TAF1: variants seen among roughly 807,000 people sequenced by gnomAD.
TAF1 encodes the protein transcription initiation factor TFIID subunit 1.
In TAF1, 2 loss-of-function variants were observed where a neutral mutation model predicts 138.5. That is an observed-to-expected ratio of 0.01 (90% CI 0.01 to 0.05). TAF1 has a LOEUF of 0.05. Ranked by LOEUF, TAF1 falls within the 10% of genes least tolerant of loss-of-function variation. The probability of loss-of-function intolerance (pLI) is 1.00; values close to 1 mark genes in which losing one functional copy is unlikely to be tolerated. For synonymous variants in TAF1, 437 were observed against 503.2 expected, an observed-to-expected ratio of 0.87 and a Z score of 1.76; for missense variants, 709 against 1,478.0, an observed-to-expected ratio of 0.48 and a Z score of 8.53.
At chrX:71,458,623 G>A (rs1437541345) in intron 35 of TAF1, among the ~76,000 whole-genome samples, 1 of 112,125 alleles carries the variant, frequency 8.9e-6, no homozygotes, top group Non-Finnish European at 1.9e-5. Flanking sequence ...AAAAAAGGGT[G>A]TGAAGCATCA....
At position 71,460,610 on chromosome X, in the gene TAF1, C is replaced by A. The variant is rs188924127; in HGVS notation, c.5222-16C>A. The stretch of plus-strand genomic sequence containing the variant: ...AGCTTAACTCTTGATGACCCAGAAT[C>A]TGTCTCTTTTTACAGCTATCCAGCT... On this transcript the variant is annotated splice_polypyrimidine_tract_variant and intron_variant, in intron 36 of 37. Coordinates refer to ENST00000423759, the MANE Select transcript of TAF1 (RefSeq NM_004606.5). 8.3e-7 allele frequency: 1 copy of A among 1,207,748 alleles called. No individual in the cohort carries two copies. Among genetic ancestry groups the A allele is most frequent in the East Asian group, 3.0e-5 (1 of 33,770 alleles).
intron 32 of TAF1, among the ~76,000 whole-genome samples, chrX:71,432,914 C>G (rs752823593): frequency 1.2e-4 from 14 of 112,157 alleles, no homozygotes; most frequent in African/African-American, 4.5e-4. Context: ...CTCCAATCTT[C>G]AAGTAAAATT....
At chrX:71,468,113 C>CTA (rs2038803192), downstream of TAF1, among the ~76,000 whole-genome samples, 1 of 108,698 alleles carries the variant, frequency 9.2e-6, no homozygotes, top group African/African-American at 3.4e-5. Context: ...AAAAATTAGC[C>CTA]GGGCATGGTG....
intron 13 of TAF1, among the ~76,000 whole-genome samples, chrX:71,477,400 C>T (rs1473915293): frequency 9.0e-6 from 1 of 110,660 alleles, no homozygotes; most frequent in African/African-American, 3.3e-5. Context: ...AATTGATCCT[C>T]CCATCTCAGC....
chrX:71,393,075 C>T, intron 20 of TAF1, 81 bp downstream of exon 20: 2 of 1,139,545 alleles, frequency 1.8e-6, no homozygotes, highest in Non-Finnish European at 2.4e-6. Flanking sequence ...ATGTAAAGAA[C>T]TATCTGGGGA....
chrX:71,529,098 G>T (rs2040055470), intron 14 of TAF1, among the ~76,000 whole-genome samples: 1 of 105,263 alleles, frequency 9.5e-6, no homozygotes, highest in Admixed American at 1.0e-4. Context: ...TTGAGACAGA[G>T]TCTCGCTCTG....
intron 30 of TAF1, among the ~76,000 whole-genome samples, chrX:71,423,586 C>G (rs1029446086): frequency 3.6e-5 from 4 of 110,897 alleles, no homozygotes; most frequent in African/African-American, 1.3e-4. Flanking sequence ...GCAAATGATG[C>G]TTTGATAATT....
intron 13 of TAF1, among the ~76,000 whole-genome samples, chrX:71,513,733 T>A (rs1201650315): frequency 1.8e-5 from 2 of 111,476 alleles, no homozygotes; most frequent in South Asian, 3.8e-4. Flanking sequence ...TTCTTTTTTT[T>A]AAATTAGCCA....
intron 1 of TAF1, among the ~76,000 whole-genome samples, chrX:71,366,708 G>T (rs2032527553): frequency 9.0e-6 from 1 of 111,302 alleles, no homozygotes; most frequent in Non-Finnish European, 1.9e-5. Flanking sequence ...GCGAGCCCGG[G>T]GCCAGGGGCG....
At chrX:71,459,474 G>C in intron 35 of TAF1, 78 bp from the exon 36 acceptor site, 1 of 1,155,248 alleles carries the variant, frequency 8.7e-7, no homozygotes, top group South Asian at 2.1e-5. Context: ...GCGGGGAGGG[G>C]GGGTGTGCCT....
intron 32 of TAF1, among the ~76,000 whole-genome samples, chrX:71,446,798 G>A (rs1275000552): frequency 8.9e-6 from 1 of 111,944 alleles, no homozygotes; most frequent in Non-Finnish European, 1.9e-5. Context: ...GATGGTTTCT[G>A]CCTTCTTGAA....
intron 32 of TAF1, among the ~76,000 whole-genome samples, chrX:71,448,584 C>T (rs2037803266): frequency 1.8e-5 from 2 of 111,638 alleles, no homozygotes; most frequent in Non-Finnish European, 3.8e-5. Context: ...TTTGCCAGTT[C>T]CACCAGCATA....
intron 16 of TAF1, 87 bp downstream of exon 16, chrX:71,388,465 A>G: frequency 9.0e-7 from 1 of 1,117,216 alleles, no homozygotes; most frequent in East Asian, 3.0e-5. Context: ...CATATAGTTA[A>G]TAAAATAGAA....
intron 28 of TAF1, chrX:71,413,881 T>A (rs1211183238): frequency 1.8e-5 from 2 of 111,809 alleles, no homozygotes; most frequent in African/African-American, 6.5e-5. Context: ...TAGGAGAGTG[T>A]TCGCAGTCAT....
rs751068115 is a variant in TAF1, at chrX:71,490,229, C to G, written c.1366+29426C>G. ...TTCCTTCAGAGGAGGCAGCCCTCACCAACAAACTAACATGCTGGCTCCTTG... is the reference window on the plus strand; with the variant it reads ...TTCCTTCAGAGGAGGCAGCCCTCACGAACAAACTAACATGCTGGCTCCTTG... On this transcript the variant is annotated intron_variant and NMD_transcript_variant, in intron 13 of 14. Transcript: ENST00000373775. Among the ~76,000 whole-genome samples the G allele has an allele frequency of 1.1e-3, 122 of 112,284 alleles. 1 individual carries two copies. Among genetic ancestry groups the G allele is most frequent in the African/African-American group, 3.8e-3 (119 of 30,937 alleles).
chrX:71,449,232 C>T (rs943908947), intron 32 of TAF1, among the ~76,000 whole-genome samples: 3 of 110,363 alleles, frequency 2.7e-5, no homozygotes, highest in African/African-American at 9.9e-5. Flanking sequence ...TCAGGTGATC[C>T]GTCCACCTGG....
intron 21 of TAF1, among the ~76,000 whole-genome samples, 176 bp downstream of exon 21, chrX:71,393,652 A>C (rs1414165416): frequency 9.0e-6 from 1 of 111,107 alleles, no homozygotes; most frequent in Non-Finnish European, 1.9e-5. Context: ...ATTCCCTTCA[A>C]CCCAACTTGG....
At chrX:71,518,174 CTTTG>C (rs918580553) in intron 13 of TAF1, among the ~76,000 whole-genome samples, 34 of 109,750 alleles carry the variant, frequency 3.1e-4, no homozygotes, top group African/African-American at 5.6e-4. Flanking sequence ...TAAGAAATCA[CTTTG>C]TTTGTTTTTG....
intron 24 of TAF1, among the ~76,000 whole-genome samples, chrX:71,400,067 A>G (rs996218886): frequency 9.5e-6 from 1 of 104,793 alleles, no homozygotes; most frequent in Non-Finnish European, 1.9e-5. Context: ...AGGAGTTGAG[A>G]TAGGTTTGGT....
Sources: gnomAD v4.1 joint callset for allele counts (sites outside exome capture counted in the v4.1 genomes callset) on GRCh38, gnomAD v4.1.1 for gene constraint, MANE v1.5 for transcripts, NCBI Gene and HGNC (gene_info 2026-07-23, HGNC 2026-07-21) for gene names.